ERC2: variants seen among roughly 807,000 people sequenced by gnomAD.
ERC2 encodes ERC protein 2.
Under a neutral mutation model 114.8 loss-of-function variants are expected in ERC2, and 42 were observed. The ratio of observed to expected loss-of-function variants is 0.37; its 90% CI spans 0.29 to 0.47. ERC2 has a LOEUF of 0.47. ERC2 is among the 20% of genes least tolerant of loss of function. The pLI is 0.99. For synonymous variants in ERC2, 454 were observed against 425.5 expected (o/e 1.07, Z -0.82); for missense variants, 939 against 1,150.7 (o/e 0.82, Z 2.66).
chr3:55,847,090 C>A (rs1197067997), intron 14 of ERC2, among the ~76,000 whole-genome samples: 1 of 152,062 alleles, frequency 6.6e-6, no homozygotes, highest in Non-Finnish European at 1.5e-5. Context: ...AAAATATTTT[C>A]AATGTTTCTA....
intron 2 of ERC2, among the ~76,000 whole-genome samples, chr3:56,387,538 G>A (rs935093546): frequency 5.3e-5 from 8 of 152,072 alleles, no homozygotes; most frequent in Admixed American, 2.0e-4. Flanking sequence ...TATAAAACCC[G>A]GGATTAGGTC....
chr3:56,022,980 G>A (rs997011542), intron 7 of ERC2, among the ~76,000 whole-genome samples: 9 of 152,158 alleles, frequency 5.9e-5, no homozygotes, highest in African/African-American at 2.2e-4. Flanking sequence ...TCAGACCCTG[G>A]AGGTCACTTG....
At chr3:55,801,734 AT>A (rs2071070685) in intron 14 of ERC2, among the ~76,000 whole-genome samples, 1 of 152,230 alleles carries the variant, frequency 6.6e-6, no homozygotes, top group South Asian at 2.1e-4. Context: ...CAAAATGAAA[AT>A]GTGGGACCCT....
intron 3 of ERC2, among the ~76,000 whole-genome samples, chr3:56,234,736 C>T (rs1044490108): frequency 2.6e-5 from 4 of 152,018 alleles, no homozygotes; most frequent in South Asian, 4.2e-4. Flanking sequence ...GCAGAAGGGC[C>T]GAGAGGATGA....
At chr3:56,012,542 C>A (rs886527448) in intron 8 of ERC2, among the ~76,000 whole-genome samples, 3 of 152,252 alleles carry the variant, frequency 2.0e-5, no homozygotes, top group Admixed American at 6.5e-5. Context: ...GGAAGGAGAA[C>A]TCAATTAGGG....
chr3:55,943,781 T>C (rs1421163505), intron 13 of ERC2, among the ~76,000 whole-genome samples: 1 of 152,094 alleles, frequency 6.6e-6, no homozygotes, highest in Non-Finnish European at 1.5e-5. Context: ...TTAATGAACA[T>C]ACAAAAATGG....
chr3:56,174,219 A>T (rs954090380), intron 3 of ERC2, among the ~76,000 whole-genome samples: 13 of 150,710 alleles, frequency 8.6e-5, no homozygotes, highest in Admixed American at 5.9e-4. Flanking sequence ...TTCTTTAGGT[A>T]AAAAGCAAAC....
intron 15 of ERC2, among the ~76,000 whole-genome samples, chr3:55,707,513 A>G (rs1036951511): frequency 6.6e-6 from 1 of 152,228 alleles, no homozygotes; most frequent in Non-Finnish European, 1.5e-5. Context: ...CAGTGACTGT[A>G]GCCAGAAGCA....
In ERC2 at chr3:56,134,565, A is replaced by AT. The variant is rs546058754; in HGVS notation, c.1473+4943dup. Among the ~76,000 whole-genome samples the AT allele has an allele frequency of 5.8e-4, 86 of 149,286 alleles. No individual in the cohort carries two copies. The South Asian group carries it at 7.2e-3, about 13-fold the overall frequency. ...TATTAGCATGTATGTGCCCATGTGG[A>AT]TTTTTTTTTTGGTGGGGGGGTTTAA... On this transcript the variant is annotated intron_variant, in intron 6 of 17. Coordinates refer to ENST00000288221, the MANE Select transcript of ERC2 (RefSeq NM_015576.3).
intron 13 of ERC2, among the ~76,000 whole-genome samples, chr3:55,913,442 T>C (rs922100858): frequency 6.6e-6 from 1 of 152,218 alleles, no homozygotes; most frequent in Non-Finnish European, 1.5e-5. Context: ...TCGAAGGACA[T>C]GTACATCTTT....
intron 3 of ERC2, among the ~76,000 whole-genome samples, chr3:56,261,508 T>C (rs1327592907): frequency 6.6e-6 from 1 of 152,096 alleles, no homozygotes; most frequent in Non-Finnish European, 1.5e-5. Flanking sequence ...AGCCATTAAA[T>C]AAATTGCACA....
At chr3:56,084,522 G>A (rs2077401765) in intron 6 of ERC2, among the ~76,000 whole-genome samples, 1 of 152,192 alleles carries the variant, frequency 6.6e-6, no homozygotes. Context: ...ATATATATAT[G>A]ATAAGAATGA....
At chr3:56,328,736 G>A (rs955073215) in intron 2 of ERC2, among the ~76,000 whole-genome samples, 1 of 152,112 alleles carries the variant, frequency 6.6e-6, no homozygotes, top group African/African-American at 2.4e-5. Flanking sequence ...GATAGAGAGA[G>A]GTCAAGAAAC....
chr3:55,837,056 T>G (rs2060922693), intron 14 of ERC2, among the ~76,000 whole-genome samples: 1 of 152,076 alleles, frequency 6.6e-6, no homozygotes, highest in Non-Finnish European at 1.5e-5. Flanking sequence ...CACAATGAGA[T>G]ACCATCTCAC....
chr3:55,524,612 TTA>T (rs996710828), intron 17 of ERC2, among the ~76,000 whole-genome samples: 7 of 149,990 alleles, frequency 4.7e-5, no homozygotes, highest in African/African-American at 1.7e-4. Flanking sequence ...CCTAAATTAA[TTA>T]TATGTCAACA....
At chr3:56,379,512 T>A (rs2059669745) in intron 2 of ERC2, among the ~76,000 whole-genome samples, 1 of 152,152 alleles carries the variant, frequency 6.6e-6, no homozygotes, top group Non-Finnish European at 1.5e-5. Context: ...CCCATTTACT[T>A]ATGATGAAAC....
chr3:55,520,295 G>A (rs2052826940), intron 17 of ERC2, among the ~76,000 whole-genome samples: 1 of 151,894 alleles, frequency 6.6e-6, no homozygotes, highest in Non-Finnish European at 1.5e-5. Context: ...AATTAGCCGG[G>A]CATGGTGGCA....
At chr3:56,381,253 A>C (rs140862372) in intron 2 of ERC2, among the ~76,000 whole-genome samples, 1 of 152,298 alleles carries the variant, frequency 6.6e-6, no homozygotes, top group Non-Finnish European at 1.5e-5. Flanking sequence ...AATGCCTTTA[A>C]GCCCATCCCA....
At chr3:55,644,578 A>G (rs1246701211) in intron 17 of ERC2, among the ~76,000 whole-genome samples, 1 of 152,138 alleles carries the variant, frequency 6.6e-6, no homozygotes, top group Non-Finnish European at 1.5e-5. Flanking sequence ...AGGGACAAAA[A>G]AGGCTGAAAA....
Sources: allele counts gnomAD v4.1 joint callset (sites outside exome capture counted in the v4.1 genomes callset), GRCh38; gene constraint gnomAD v4.1.1; transcripts MANE v1.5; gene names NCBI Gene and HGNC (gene_info 2026-07-23, HGNC 2026-07-21).